The following CDC45 variants were observed in gnomAD, a reference collection of about 807,000 sequenced individuals.
CDC45 encodes cell division cycle 45, also known as cell division control protein 45 homolog.
A neutral mutation model predicts 77.8 loss-of-function variants in CDC45; 54 were observed. That is an observed-to-expected ratio of 0.69 (90% CI 0.56 to 0.87). CDC45 has a LOEUF of 0.87. Among genes scored for constraint, CDC45 ranks in the 40% least tolerant of loss-of-function variants. The probability of loss-of-function intolerance (pLI) is 0.00; values close to 1 mark genes in which losing one functional copy is unlikely to be tolerated. For missense variants in CDC45, 649 were observed against 721.6 expected (o/e 0.90, Z 1.15); for synonymous variants, 260 against 272.1 (o/e 0.96, Z 0.44).
At chr22:19,491,029 G>T (rs2090146289) in intron 5 of CDC45, among the ~76,000 whole-genome samples, 1 of 151,624 alleles carries the variant, frequency 6.6e-6, no homozygotes, top group Admixed American at 6.6e-5. Flanking sequence ...TTTTCACTCT[G>T]TTGGCCAGGT....
intron 5 of CDC45, among the ~76,000 whole-genome samples, chr22:19,485,637 C>T (rs539745456): frequency 6.6e-6 from 1 of 152,328 alleles, no homozygotes; most frequent in Non-Finnish European, 1.5e-5. Context: ...ACATACTTAA[C>T]ACATCAATTT....
chr22:19,495,882 G>C, intron 6 of CDC45, 99 bp from the exon 7 acceptor site: 2 of 807,690 alleles, frequency 2.5e-6, no homozygotes, highest in South Asian at 2.8e-5. Flanking sequence ...GATTTAATTT[G>C]CATTTCATTG....
intron 15 of CDC45, 81 bp downstream of exon 15, chr22:19,515,129 T>G: frequency 7.6e-7 from 1 of 1,313,132 alleles, no homozygotes. Context: ...GATGCTGGCC[T>G]TGGGGTGCCT....
At chr22:19,509,168 CAG>C (rs1933380422) in intron 13 of CDC45, among the ~76,000 whole-genome samples, 1 of 152,018 alleles carries the variant, frequency 6.6e-6, no homozygotes, top group Non-Finnish European at 1.5e-5. Context: ...CTAAAGACAT[CAG>C]AGAAAAATAT....
At chr22:19,517,267 G>A (rs1333296530) in intron 17 of CDC45, among the ~76,000 whole-genome samples, 1 of 152,188 alleles carries the variant, frequency 6.6e-6, no homozygotes, top group East Asian at 1.9e-4. Flanking sequence ...AGCAGGGCCC[G>A]TGATGACCCA....
At chr22:19,513,179 A>G (rs1933608113) in intron 13 of CDC45, among the ~76,000 whole-genome samples, 1 of 152,242 alleles carries the variant, frequency 6.6e-6, no homozygotes, top group Non-Finnish European at 1.5e-5. Context: ...TTGAGGGGAC[A>G]AATGTCCAAG....
chr22:19,508,374 C>G (rs1933324945), intron 12 of CDC45, among the ~76,000 whole-genome samples, 156 bp from the exon 13 acceptor site: 1 of 152,220 alleles, frequency 6.6e-6, no homozygotes, highest in East Asian at 1.9e-4. Flanking sequence ...GCTGGTATGT[C>G]TGGACGTTCT....
intron 3 of CDC45, among the ~76,000 whole-genome samples, chr22:19,481,629 T>G (rs1019925879): frequency 2.6e-4 from 39 of 152,054 alleles, no homozygotes; most frequent in African/African-American, 9.4e-4. Context: ...TCTGCCCACC[T>G]CCGAAAGTGC....
At chr22:19,519,722 C>A (rs13447297) in intron 18 of CDC45, among the ~76,000 whole-genome samples, 1 of 152,244 alleles carries the variant, frequency 6.6e-6, no homozygotes, top group Admixed American at 6.5e-5. Flanking sequence ...ATCTGTCCAT[C>A]CCTCCAGGGG....
At chr22:19,508,344 C>T (rs887009312) in intron 12 of CDC45, among the ~76,000 whole-genome samples, 186 bp from the exon 13 acceptor site, 12 of 152,202 alleles carry the variant, frequency 7.9e-5, no homozygotes, top group Admixed American at 4.6e-4. Flanking sequence ...AGAAGGCACC[C>T]GGCCACTCTG....
chr22:19,480,310 C>CT, intron 2 of CDC45, 93 bp downstream of exon 2: 1 of 1,172,234 alleles, frequency 8.5e-7, no homozygotes, highest in Non-Finnish European at 1.3e-6. Context: ...AGGATGGGTG[C>CT]TGAGGGCTTA....
In CDC45 at chr22:19,520,336, G is replaced by T. The variant is rs545375278; in HGVS notation, c.*2-145G>T. 1.3e-5 allele frequency: 2 copies of T among 152,442 alleles called. No individual in the cohort carries two copies. The highest frequency in any genetic ancestry group is 4.8e-5 in the African/African-American group (2 of 41,564). 9.4% of individuals were successfully genotyped at this position (152,442 alleles called of 1,614,324 possible). A position where few individuals can be genotyped will look rare whatever the true frequency, so the allele number is the denominator to read the frequency against. On this transcript the variant is annotated intron_variant, in intron 18 of 18. Coordinates refer to ENST00000263201, the MANE Select transcript of CDC45 (RefSeq NM_003504.5). This position sits in a 1 kb window ranked among gnomAD's most constrained non-coding sequence, Gnocchi z 4.5. ...AAGGGGTGCTATGAGGACAGCAGGG[G>T]CCTCCGAGTCTGGGGTGGCCTCACC... is the stretch of plus-strand genomic sequence containing the variant.
chr22:19,515,803 C>A (rs1933754510), intron 15 of CDC45, among the ~76,000 whole-genome samples: 1 of 152,172 alleles, frequency 6.6e-6, no homozygotes, highest in South Asian at 2.1e-4. Context: ...CTGACCTGAT[C>A]CTCAGTTTCC....
chr22:19,519,082 C>T (rs1206176931), intron 18 of CDC45, among the ~76,000 whole-genome samples, 173 bp downstream of exon 18: 1 of 152,194 alleles, frequency 6.6e-6, no homozygotes, highest in Non-Finnish European at 1.5e-5. Flanking sequence ...CTTAGGCTGC[C>T]AGCAGGGCCA....
At chr22:19,479,586 T>G, upstream of CDC45, 2 of 587,728 alleles carry the variant, frequency 3.4e-6, no homozygotes. Flanking sequence ...GTGACTGAGT[T>G]TAATGTATGG....
intron 6 of CDC45, among the ~76,000 whole-genome samples, chr22:19,494,918 T>C (rs1032617074): frequency 1.3e-5 from 2 of 151,994 alleles, no homozygotes; most frequent in African/African-American, 4.8e-5. Flanking sequence ...GTAAGACAGG[T>C]GTGGTGGCTC....
At chr22:19,516,975 C>A in intron 17 of CDC45, 82 bp downstream of exon 17, 1 of 1,224,928 alleles carries the variant, frequency 8.2e-7, no homozygotes, top group Non-Finnish European at 1.2e-6. Context: ...AGCAAGTTGG[C>A]ATGGCTGGAG....
At chr22:19,505,227 A>C in intron 9 of CDC45, 135 bp from the exon 10 acceptor site, 1 of 950,828 alleles carries the variant, frequency 1.1e-6, no homozygotes, top group Non-Finnish European at 1.6e-6. Flanking sequence ...GCATGTCCTT[A>C]GTCCCTGCAT....
chr22:19,516,120 C>A (rs900398086), intron 15 of CDC45, among the ~76,000 whole-genome samples: 1 of 151,990 alleles, frequency 6.6e-6, no homozygotes, highest in Non-Finnish European at 1.5e-5. Flanking sequence ...GGGGATGGAG[C>A]AGGATGAGGC....
Sources: allele counts gnomAD v4.1 joint callset (sites outside exome capture counted in the v4.1 genomes callset), GRCh38; gene constraint gnomAD v4.1.1; non-coding constraint Gnocchi (gnomAD v3.1); transcripts MANE v1.5; gene names NCBI Gene and HGNC (gene_info 2026-07-23, HGNC 2026-07-21).